Variants in ANGPT2 observed in about 807,000 individuals in gnomAD.
ANGPT2 encodes the protein angiopoietin 2, also known as angiopoietin-2.
In ANGPT2, 28 loss-of-function variants were observed where a neutral mutation model predicts 62.9. That is an observed-to-expected ratio of 0.44 (90% CI 0.33 to 0.61). ANGPT2 has a LOEUF of 0.61. ANGPT2 is among the 20% of genes least tolerant of loss of function. The probability of loss-of-function intolerance (pLI) is 0.03; values close to 1 mark genes in which losing one functional copy is unlikely to be tolerated. For synonymous variants in ANGPT2, 284 were observed against 207.8 expected (o/e 1.37, Z -3.15); for missense variants, 727 against 594.9 (o/e 1.22, Z -2.31).
intron 1 of ANGPT2, among the ~76,000 whole-genome samples, chr8:6,543,161 A>G (rs1475840993): frequency 6.6e-6 from 1 of 152,026 alleles, no homozygotes; most frequent in African/African-American, 2.4e-5. Context: ...AGCACCCAAA[A>G]AGTTGAAAGA....
chr8:6,563,060 T>A lies in ANGPT2; in HGVS notation c.-126A>T. Reference sequence around the variant, plus strand: ...CCATGGCTGGGTCCGTCAATGAAAGTCTTCTCTTTCCTCTTTTTCCAGTAG... The same window carrying A: ...CCATGGCTGGGTCCGTCAATGAAAGACTTCTCTTTCCTCTTTTTCCAGTAG... On this transcript the variant is annotated 5_prime_UTR_variant, in exon 1 of 9. Coordinates refer to ENST00000629816, the MANE Select transcript of ANGPT2 (RefSeq NM_001118887.2). 9.7e-7 allele frequency: 1 copy of A among 1,033,370 alleles called. No individual in the cohort carries two copies. The highest frequency in any genetic ancestry group is 1.4e-6 in the Non-Finnish European group (1 of 731,522). 64.0% of individuals were successfully genotyped at this position (1,033,370 alleles called of 1,614,324 possible).
At chr8:6,505,295 AT>A (rs1813194791) in intron 8 of ANGPT2, among the ~76,000 whole-genome samples, 1 of 73,748 alleles carries the variant, frequency 1.4e-5, no homozygotes, top group African/African-American at 7.5e-5. Context: ...TGTTATATAC[AT>A]ATATATGTAT....
chr8:6,533,674 C>A (rs1264699203), intron 1 of ANGPT2, among the ~76,000 whole-genome samples: 1 of 147,328 alleles, frequency 6.8e-6, no homozygotes, highest in East Asian at 2.1e-4. Context: ...TGTTTTCTTC[C>A]TTTTCACATA....
chr8:6,506,946 G>A (rs1471828623), intron 8 of ANGPT2, among the ~76,000 whole-genome samples: 2 of 151,818 alleles, frequency 1.3e-5, no homozygotes, highest in Admixed American at 1.3e-4. Flanking sequence ...CGTCCAGGCT[G>A]GATTGTACTG....
At chr8:6,505,213 A>ATATATATTCTTATGTATATATAGAATATG in intron 8 of ANGPT2, among the ~76,000 whole-genome samples, 1 of 92,020 alleles carries the variant, frequency 1.1e-5, no homozygotes, top group Admixed American at 1.0e-4. Context: ...TATAGAATAT[A>ATATATATTCTTATGTATATATAGAATATG]TATATATATT....
At chr8:6,548,989 T>C (rs776513792) in intron 1 of ANGPT2, among the ~76,000 whole-genome samples, 22 of 152,342 alleles carry the variant, frequency 1.4e-4, no homozygotes, top group Non-Finnish European at 3.1e-4. Flanking sequence ...ATCAATCTAT[T>C]CCTCAAAAGT....
intron 1 of ANGPT2, among the ~76,000 whole-genome samples, chr8:6,538,433 C>T (rs58401799): frequency 0.022 from 3,410 of 152,280 alleles, 118 homozygotes; most frequent in African/African-American, 0.076. Context: ...GACCGCAGCT[C>T]ACTTTCTTCC....
At chr8:6,520,366 G>T (rs960738567) in intron 4 of ANGPT2, among the ~76,000 whole-genome samples, 1 of 152,142 alleles carries the variant, frequency 6.6e-6, no homozygotes, top group African/African-American at 2.4e-5. Flanking sequence ...AATTTAAAAA[G>T]AATGTCCCTA....
chr8:6,555,389 G>A (rs924428401), intron 1 of ANGPT2, among the ~76,000 whole-genome samples: 4 of 151,970 alleles, frequency 2.6e-5, no homozygotes, highest in East Asian at 1.9e-4. Context: ...GTAACTAGAT[G>A]TATGGTTTGT....
rs756702941 is a variant in ANGPT2 at position 6,499,962 on chromosome 8, C to T, written c.*3139G>A. The T allele has an allele frequency of 5.1e-6, 8 of 1,566,396 alleles. No homozygotes were observed. In the Admixed American group the frequency reaches 8.3e-5, roughly 16 times the overall value. On this transcript the variant is annotated 3_prime_UTR_variant, in exon 9 of 9. Transcript: ENST00000629816. ...AGATGTTGTTTTACGATGGTAAATG[C>T]AGTTTGCTGTTCTCAAGAAATTATT... is the stretch of plus-strand genomic sequence containing the variant.
rs1811897251 is a variant in ANGPT2, at chr8:6,500,282, G to C, written c.*2819C>G. 4.4e-6 allele frequency: 1 copy of C among 227,610 alleles called. No homozygotes were observed. The highest frequency in any genetic ancestry group is 2.3e-5 in the African/African-American group (1 of 43,816). The allele number at this position is 227,610 out of a possible 1,614,324, so 14.1% of individuals were successfully genotyped here. On this transcript the variant is annotated 3_prime_UTR_variant, in exon 9 of 9. Transcript: ENST00000629816. ...TAGAAATAGAACTGATAGGTATAAAGATTATGGCTTGCTGGTGCTGTGATA... is the reference window on the plus strand; with the variant it reads ...TAGAAATAGAACTGATAGGTATAAACATTATGGCTTGCTGGTGCTGTGATA...
chr8:6,507,041 G>T (rs952201594), intron 8 of ANGPT2, among the ~76,000 whole-genome samples: 1 of 152,040 alleles, frequency 6.6e-6, no homozygotes, highest in Non-Finnish European at 1.5e-5. Context: ...GGGATTACAG[G>T]CGTATGCCAC....
intron 6 of ANGPT2, among the ~76,000 whole-genome samples, chr8:6,514,448 C>G (rs1377295872): frequency 1.3e-5 from 2 of 152,146 alleles, no homozygotes; most frequent in African/African-American, 4.8e-5. Flanking sequence ...CTCGGCCTCC[C>G]AAAGTGCTGG....
chr8:6,562,756 T>C lies in ANGPT2; in HGVS notation c.179A>G (p.Tyr60Cys). Reference sequence around the variant, plus strand: ...GTCCCTCTGCACAGCATTGGACACGTAGGGGCTGGAGGAAGAGCGGCAGTT... The same window carrying C: ...GTCCCTCTGCACAGCATTGGACACGCAGGGGCTGGAGGAAGAGCGGCAGTT... ...MDNCRSSSSPYVSNAVQRDAP... is the reference protein window; with the variant it reads ...MDNCRSSSSPCVSNAVQRDAP... Residue 60 changes from tyrosine (Y) to cysteine (C), a missense_variant, in exon 1 of 9, where the codon TAC becomes TGC. Transcript: ENST00000629816. The C allele has an allele frequency of 1.9e-6, 3 of 1,613,878 alleles. No individual in the cohort carries two copies. The highest frequency in any genetic ancestry group is 1.1e-5 in the South Asian group (1 of 91,070).
intron 4 of ANGPT2, among the ~76,000 whole-genome samples, chr8:6,520,906 C>A (rs1016341322): frequency 6.6e-6 from 1 of 152,152 alleles, no homozygotes; most frequent in Non-Finnish European, 1.5e-5. Flanking sequence ...TAGTAATTTG[C>A]CCAGTCTCAT....
intron 5 of ANGPT2, 103 bp downstream of exon 5, chr8:6,519,761 C>A: frequency 6.9e-7 from 1 of 1,446,434 alleles, no homozygotes; most frequent in Non-Finnish European, 9.5e-7. Context: ...CTGTGTGAGG[C>A]TGGGGAAGAT....
chr8:6,505,060 TAATA>T (rs1262349670), intron 8 of ANGPT2, among the ~76,000 whole-genome samples: 5 of 151,226 alleles, frequency 3.3e-5, no homozygotes, highest in African/African-American at 1.2e-4. Flanking sequence ...GTAGGAAAAT[TAATA>T]AATAAAGTGA....
rs544566166 is a variant in ANGPT2 at position 6,550,625 on chromosome 8, C to T, written c.288+12022G>A. Among the ~76,000 whole-genome samples, 3 of 152,326 alleles carry T rather than the reference C, an allele frequency of 2.0e-5. No individual in the cohort carries two copies. The East Asian group carries it at 5.8e-4, about 29-fold the overall frequency. On this transcript the variant is annotated intron_variant, in intron 1 of 8. Transcript: ENST00000629816. ...GGGTGGCGGGCGTTGGTGGTGAAGT[C>T]TGTCGGCCCTCCTGACCCACACACG... is the stretch of plus-strand genomic sequence containing the variant.
intron 4 of ANGPT2, among the ~76,000 whole-genome samples, 196 bp from the exon 5 acceptor site, chr8:6,520,187 T>G (rs2129569033): frequency 6.6e-6 from 1 of 152,276 alleles, no homozygotes; most frequent in South Asian, 2.1e-4. Context: ...AGATTAATAC[T>G]TACTTTTTGG....
Sources: gnomAD v4.1 joint callset for allele counts (sites outside exome capture counted in the v4.1 genomes callset) on GRCh38, gnomAD v4.1.1 for gene constraint, MANE v1.5 for transcripts, NCBI Gene and HGNC (gene_info 2026-07-23, HGNC 2026-07-21) for gene names.